The following DLG2 variants were observed in gnomAD, a reference collection of about 807,000 sequenced individuals.
The protein encoded by DLG2 is discs large MAGUK scaffold protein 2.
In DLG2, 45 loss-of-function variants were observed where a neutral mutation model predicts 132.5. The ratio of observed to expected loss-of-function variants is 0.34; its 90% CI spans 0.27 to 0.44. The LOEUF (loss-of-function observed/expected upper bound fraction) is 0.44, where lower values mean the gene tolerates loss of function less well. Ranked by LOEUF, DLG2 falls within the 20% of genes least tolerant of loss-of-function variation. The probability of loss-of-function intolerance (pLI) is 1.00; values close to 1 mark genes in which losing one functional copy is unlikely to be tolerated. For missense variants in DLG2, 1,045 were observed against 1,196.9 expected, an observed-to-expected ratio of 0.87 and a Z score of 1.87; for synonymous variants, 424 against 419.6, an observed-to-expected ratio of 1.01 and a Z score of -0.13.
chr11:84,637,721 G>T (rs184200518), intron 6 of DLG2, among the ~76,000 whole-genome samples: 1 of 152,326 alleles, frequency 6.6e-6, no homozygotes, highest in East Asian at 1.9e-4. Flanking sequence ...TTGTTTTGTG[G>T]TCTGTGATTG....
At position 85,070,602 on chromosome 11, in the gene DLG2, C is replaced by G. The variant is rs1281457967; in HGVS notation, c.357+41059G>C. ...TTTAAAACTTTAAGAAGTATAAGCA[C>G]TAAACCAAAAAGTAAGTCCCATAGC... On this transcript the variant is annotated intron_variant, in intron 6 of 27. Coordinates refer to ENST00000376104, the MANE Select transcript of DLG2 (RefSeq NM_001142699.3). 2.0e-5 allele frequency among the ~76,000 whole-genome samples: 3 copies of G among 151,860 alleles called. No homozygotes were observed. In the East Asian group the frequency reaches 5.8e-4, roughly 30 times the overall value.
chr11:83,965,960 T>C (rs1295417496), intron 12 of DLG2, among the ~76,000 whole-genome samples: 3 of 152,044 alleles, frequency 2.0e-5, no homozygotes, highest in East Asian at 3.8e-4. Context: ...AAGATGACTT[T>C]TGTTTTCTGC....
At chr11:85,408,121 A>G (rs958637219) in intron 3 of DLG2, among the ~76,000 whole-genome samples, 5 of 150,720 alleles carry the variant, frequency 3.3e-5, no homozygotes, top group African/African-American at 9.7e-5. Flanking sequence ...TTTTATCTTA[A>G]AAATTCTGTA....
intron 6 of DLG2, among the ~76,000 whole-genome samples, chr11:84,740,033 A>G (rs1334381160): frequency 6.6e-6 from 1 of 151,806 alleles, no homozygotes; most frequent in Non-Finnish European, 1.5e-5. Context: ...CTCTGTATTT[A>G]CCCTAACGTT....
intron 6 of DLG2, among the ~76,000 whole-genome samples, chr11:84,643,289 C>G (rs1321746121): frequency 1.3e-5 from 2 of 152,144 alleles, no homozygotes; most frequent in African/African-American, 4.8e-5. Flanking sequence ...ATGTAACTTT[C>G]TAAAGGAAAT....
chr11:83,790,548 A>C lies in DLG2; in HGVS notation c.1723-3756T>G, dbSNP rs1018000419. 4 of 1,283,372 alleles carry C rather than the reference A, an allele frequency of 3.1e-6. No homozygotes were observed. The African/African-American group carries it at 5.9e-5, about 19-fold the overall frequency. 79.5% of individuals were successfully genotyped at this position (1,283,372 alleles called of 1,614,324 possible). ...AGGAGCAGAGTTAAAATCAAAATTC[A>C]AATGACAGAGCATACTTTCAGCCAT... On this transcript the variant is annotated intron_variant, in intron 17 of 27. Transcript: ENST00000376104.
At chr11:84,393,246 T>C (rs962394758) in intron 7 of DLG2, among the ~76,000 whole-genome samples, 5 of 152,138 alleles carry the variant, frequency 3.3e-5, no homozygotes, top group African/African-American at 1.2e-4. Context: ...ATAGCAAAGA[T>C]GCATATGGTA....
At chr11:84,366,063 G>C (rs938663424) in intron 7 of DLG2, among the ~76,000 whole-genome samples, 19 of 152,076 alleles carry the variant, frequency 1.2e-4, no homozygotes, top group Non-Finnish European at 2.5e-4. Flanking sequence ...CAGCCAGAGA[G>C]AAAGGTTGGG....
At chr11:84,879,387 C>A (rs1013604136) in intron 6 of DLG2, among the ~76,000 whole-genome samples, 5 of 152,088 alleles carry the variant, frequency 3.3e-5, no homozygotes, top group Non-Finnish European at 5.9e-5. Context: ...CAGAAACTTA[C>A]AATTTAGTGA....
At chr11:83,524,352 C>A (rs2095554979) in intron 21 of DLG2, among the ~76,000 whole-genome samples, 1 of 152,092 alleles carries the variant, frequency 6.6e-6, no homozygotes. Context: ...TCCTGCAGGA[C>A]AGGGGTTGAG....
intron 4 of DLG2, among the ~76,000 whole-genome samples, chr11:85,280,767 T>C (rs1369315607): frequency 6.6e-6 from 1 of 151,998 alleles, no homozygotes; most frequent in Non-Finnish European, 1.5e-5. Flanking sequence ...GTATAGAATA[T>C]TGTAGAATAG....
intron 6 of DLG2, among the ~76,000 whole-genome samples, chr11:84,570,348 G>T (rs902891560): frequency 1.3e-5 from 2 of 152,098 alleles, no homozygotes; most frequent in African/African-American, 4.8e-5. Flanking sequence ...CCTTTCACAG[G>T]TTAGGTATCT....
At position 85,111,699 on chromosome 11, in the gene DLG2, C is replaced by A. The variant is rs746404915; in HGVS notation, c.319G>T (p.Val107Leu). Residue 107 changes from valine to leucine, a missense_variant, in exon 6 of 28, where the codon GTG becomes TTG. Transcript: ENST00000376104. ...ACAGGCATCCAAGCAGGGGCTTCCACTGAACAATTCTGGGCTGGGCATCTG... is the reference window on the plus strand; with the variant it reads ...ACAGGCATCCAAGCAGGGGCTTCCAATGAACAATTCTGGGCTGGGCATCTG... The part of the protein sequence containing the change: ...QGRCPAQNCS[V>L]EAPAWMPVHH... The A allele has an allele frequency of 2.6e-6, 4 of 1,564,008 alleles. No homozygotes were observed. The highest frequency in any genetic ancestry group is 2.6e-6 in the Non-Finnish European group (3 of 1,153,474).
chr11:84,600,444 C>T (rs1672950574), intron 6 of DLG2, among the ~76,000 whole-genome samples: 1 of 152,108 alleles, frequency 6.6e-6, no homozygotes, highest in African/African-American at 2.4e-5. Flanking sequence ...TTCCACCCTT[C>T]CCCTATTCTC....
chr11:85,341,288 T>A (rs2082482048), intron 3 of DLG2, among the ~76,000 whole-genome samples: 1 of 152,032 alleles, frequency 6.6e-6, no homozygotes, highest in South Asian at 2.1e-4. Flanking sequence ...CTGGCTAATT[T>A]TTTTTGTATT....
chr11:84,134,089 G>A (rs2094515893), intron 9 of DLG2, among the ~76,000 whole-genome samples: 1 of 151,956 alleles, frequency 6.6e-6, no homozygotes, highest in Non-Finnish European at 1.5e-5. Flanking sequence ...TAGATGCTGG[G>A]AATTCAGCTA....
intron 3 of DLG2, among the ~76,000 whole-genome samples, chr11:85,319,303 C>T (rs1343401161): frequency 6.6e-6 from 1 of 151,728 alleles, no homozygotes; most frequent in African/African-American, 2.4e-5. Flanking sequence ...ATTTATCTTT[C>T]AAACTCATCT....
intron 3 of DLG2, among the ~76,000 whole-genome samples, chr11:85,447,283 G>T (rs1450622410): frequency 6.6e-6 from 1 of 152,098 alleles, no homozygotes; most frequent in Non-Finnish European, 1.5e-5. Flanking sequence ...GGACTGAATT[G>T]TGTCTCCCCT....
intron 21 of DLG2, among the ~76,000 whole-genome samples, chr11:83,494,469 G>C (rs1241864147): frequency 6.6e-6 from 1 of 151,302 alleles, no homozygotes; most frequent in Non-Finnish European, 1.5e-5. Context: ...GGCTATTTCA[G>C]AAACAGTGAC....
Sources: gnomAD v4.1 joint callset for allele counts (sites outside exome capture counted in the v4.1 genomes callset) on GRCh38, gnomAD v4.1.1 for gene constraint, MANE v1.5 for transcripts, NCBI Gene and HGNC (gene_info 2026-07-23, HGNC 2026-07-21) for gene names.